The following ANKS1B variants were observed in gnomAD, a reference collection of about 807,000 sequenced individuals.
The protein encoded by ANKS1B is ankyrin repeat and sterile alpha motif domain containing 1B.
Under a neutral mutation model 148.3 loss-of-function variants are expected in ANKS1B, and 36 were observed. The ratio of observed to expected loss-of-function variants is 0.24; its 90% CI spans 0.19 to 0.32. The LOEUF (loss-of-function observed/expected upper bound fraction) is 0.32. Among genes scored for constraint, ANKS1B ranks in the 10% least tolerant of loss-of-function variants. ANKS1B has a pLI of 1.00. For synonymous variants in ANKS1B, 542 were observed against 560.8 expected (o/e 0.97, Z 0.47); for missense variants, 1,157 against 1,542.6 (o/e 0.75, Z 4.19).
At chr12:99,686,513 A>G (rs1223516410) in intron 8 of ANKS1B, among the ~76,000 whole-genome samples, 1 of 152,170 alleles carries the variant, frequency 6.6e-6, no homozygotes, top group African/African-American at 2.4e-5. Context: ...CTGATTCCTG[A>G]ATTGGTCTTT....
intron 8 of ANKS1B, among the ~76,000 whole-genome samples, chr12:99,694,263 AC>A (rs888022568): frequency 6.7e-6 from 1 of 149,860 alleles, no homozygotes; most frequent in African/African-American, 2.5e-5. Context: ...ACATGGTGAA[AC>A]CCTGCCTCTA....
intron 12 of ANKS1B, among the ~76,000 whole-genome samples, chr12:99,315,251 A>G: frequency 6.6e-6 from 1 of 151,930 alleles, no homozygotes; most frequent in East Asian, 1.9e-4. Context: ...AAAAAAAAAA[A>G]ACAAAAAACC....
intron 12 of ANKS1B, among the ~76,000 whole-genome samples, chr12:99,327,633 C>G (rs985974511): frequency 3.3e-5 from 5 of 149,284 alleles, no homozygotes; most frequent in Middle Eastern, 3.5e-3. Context: ...TGTATCCCCC[C>G]CATATATATA....
At chr12:99,528,612 TAAAATGATTCATTTCAAA>T (rs1403135949) in intron 9 of ANKS1B, among the ~76,000 whole-genome samples, 1 of 152,028 alleles carries the variant, frequency 6.6e-6, no homozygotes, top group Non-Finnish European at 1.5e-5. Context: ...ATAACATGAA[TAAAATGATTCATTTCAAA>T]AAGATGATTC....
At chr12:99,797,602 A>T (rs1351506626) in intron 4 of ANKS1B, among the ~76,000 whole-genome samples, 1 of 151,910 alleles carries the variant, frequency 6.6e-6, no homozygotes, top group African/African-American at 2.4e-5. Context: ...ACACAGTGAC[A>T]TTTCAAAACT....
chr12:98,822,805 A>G (rs2099209873), intron 19 of ANKS1B, among the ~76,000 whole-genome samples: 1 of 152,184 alleles, frequency 6.6e-6, no homozygotes, highest in South Asian at 2.1e-4. Flanking sequence ...CAGGGAAGAA[A>G]ACAATCTAGA....
At chr12:98,892,241 G>C (rs539658882) in intron 17 of ANKS1B, among the ~76,000 whole-genome samples, 12 of 152,304 alleles carry the variant, frequency 7.9e-5, no homozygotes, top group East Asian at 3.9e-4. Flanking sequence ...ATAAGATTTT[G>C]AGAACATGTC....
intron 10 of ANKS1B, among the ~76,000 whole-genome samples, chr12:99,471,635 A>G (rs2096243539): frequency 6.7e-6 from 1 of 149,688 alleles, no homozygotes; most frequent in South Asian, 2.1e-4. Flanking sequence ...AAAACAACAT[A>G]TCACATATGC....
intron 25 of ANKS1B, among the ~76,000 whole-genome samples, chr12:98,765,204 A>C (rs565517901): frequency 6.6e-6 from 1 of 152,210 alleles, no homozygotes; most frequent in Non-Finnish European, 1.5e-5. Context: ...CCTTGCAATC[A>C]CCATAGGAGG....
At chr12:99,463,648 T>C (rs1333919418) in intron 10 of ANKS1B, among the ~76,000 whole-genome samples, 4 of 152,226 alleles carry the variant, frequency 2.6e-5, no homozygotes, top group Non-Finnish European at 5.9e-5. Context: ...ATCCTGTGCA[T>C]GGCTCGGAGG....
chr12:99,280,484 T>G (rs1452743004), intron 12 of ANKS1B, among the ~76,000 whole-genome samples: 1 of 152,206 alleles, frequency 6.6e-6, no homozygotes, highest in African/African-American at 2.4e-5. Flanking sequence ...GCTGCCATGG[T>G]ACATTTTATG....
intron 19 of ANKS1B, among the ~76,000 whole-genome samples, chr12:98,811,946 T>A (rs1161621308): frequency 6.6e-6 from 1 of 152,134 alleles, no homozygotes; most frequent in Non-Finnish European, 1.5e-5. Flanking sequence ...GCCATACTTA[T>A]TTCATTAAAA....
chr12:99,620,968 A>G (rs2098040669), intron 9 of ANKS1B, among the ~76,000 whole-genome samples: 1 of 152,158 alleles, frequency 6.6e-6, no homozygotes, highest in Admixed American at 6.5e-5. Flanking sequence ...CAGCCTGTCC[A>G]AAGTCAACAC....
intron 23 of ANKS1B, 57 bp downstream of exon 23, chr12:98,782,069 T>C: frequency 6.9e-7 from 1 of 1,455,926 alleles, no homozygotes; most frequent in Admixed American, 1.9e-5. Flanking sequence ...GTCAGTTTAC[T>C]TCATTGCCCT....
chr12:99,036,329 T>C (rs78638736), intron 17 of ANKS1B, among the ~76,000 whole-genome samples: 16 of 152,140 alleles, frequency 1.1e-4, no homozygotes, highest in Admixed American at 1.0e-3. Context: ...TTTTTTTTTT[T>C]CTTAAGCAAA....
At chr12:99,688,671 T>C (rs1463029608) in intron 8 of ANKS1B, among the ~76,000 whole-genome samples, 1 of 151,938 alleles carries the variant, frequency 6.6e-6, no homozygotes, top group Non-Finnish European at 1.5e-5. Context: ...ACTTGGTCTC[T>C]AGAAAAAAAC....
At chr12:99,369,126 C>G (rs2092944830) in intron 12 of ANKS1B, among the ~76,000 whole-genome samples, 1 of 152,038 alleles carries the variant, frequency 6.6e-6, no homozygotes, top group South Asian at 2.1e-4. Context: ...TAGTAACCAC[C>G]CTAAAAGTGA....
chr12:99,566,689 T>C (rs1000141767), intron 9 of ANKS1B, among the ~76,000 whole-genome samples: 19 of 152,264 alleles, frequency 1.2e-4, no homozygotes, highest in Admixed American at 9.8e-4. Context: ...ACATGCACAC[T>C]CTTGCTCTCT....
chr12:99,307,319 A>C (rs2082491504), intron 12 of ANKS1B, among the ~76,000 whole-genome samples: 1 of 152,016 alleles, frequency 6.6e-6, no homozygotes, highest in African/African-American at 2.4e-5. Context: ...TCTGACAAAA[A>C]CTCGACAAGT....
Sources: gnomAD v4.1 joint callset for allele counts (sites outside exome capture counted in the v4.1 genomes callset) on GRCh38, gnomAD v4.1.1 for gene constraint, MANE v1.5 for transcripts, NCBI Gene and HGNC (gene_info 2026-07-23, HGNC 2026-07-21) for gene names.